The following FBLN7 variants were observed in gnomAD, a reference collection of about 807,000 sequenced individuals.
FBLN7 encodes fibulin-7.
Under a neutral mutation model 44.0 loss-of-function variants are expected in FBLN7, and 31 were observed. The observed-to-expected ratio is 0.70, with a 90% CI of 0.53 to 0.95. The LOEUF (loss-of-function observed/expected upper bound fraction) is 0.95. FBLN7 is among the 40% of genes least tolerant of loss of function. The pLI is 0.00. For missense variants in FBLN7, 573 were observed against 618.5 expected (o/e 0.93, Z 0.78); for synonymous variants, 262 against 253.4 (o/e 1.03, Z -0.32).
chr2:112,167,899 T>TGTTATGTTAC (rs1682252346), intron 3 of FBLN7, among the ~76,000 whole-genome samples: 2 of 151,844 alleles, frequency 1.3e-5, no homozygotes, highest in Admixed American at 1.3e-4. Context: ...TGTTATGTTA[T>TGTTATGTTAC]GTTATGTTAT....
chr2:112,143,048 A>G (rs1467176005), intron 1 of FBLN7, among the ~76,000 whole-genome samples: 1 of 151,930 alleles, frequency 6.6e-6, no homozygotes, highest in Non-Finnish European at 1.5e-5. Flanking sequence ...GCGGGGATGG[A>G]GTCTCATCTC....
At chr2:112,215,489 A>G in the FBLN7 span, 1 of 152,226 alleles carries the variant, frequency 6.6e-6, no homozygotes, top group Non-Finnish European at 1.5e-5. Context: ...GATAACAATG[A>G]AAATAACTTT....
At chr2:112,139,041 C>T (rs1462565658) in intron 1 of FBLN7, among the ~76,000 whole-genome samples, 5 of 74,984 alleles carry the variant, frequency 6.7e-5, no homozygotes, top group Admixed American at 2.2e-4. Context: ...TCTCTCCAGG[C>T]CAGCGTCCCT....
rs185876830 is a variant in FBLN7 at position 112,144,253 on chromosome 2, A to G, written c.75+5523A>G. Among the ~76,000 whole-genome samples, 409 of 152,336 alleles carry G rather than the reference A, an allele frequency of 2.7e-3. 6 individuals carry two copies. The highest frequency in any genetic ancestry group is 3.5e-3 in the Non-Finnish European group (238 of 68,032). ...GATGCATCCGATTTTTCCCAAATAG[A>G]CGATTTTAATGATTCAGACAATTCT... On this transcript the variant is annotated intron_variant, in intron 1 of 7. Transcript: ENST00000331203.
chr2:112,184,889 C>T (rs575756824), intron 6 of FBLN7, among the ~76,000 whole-genome samples: 1 of 151,060 alleles, frequency 6.6e-6, no homozygotes, highest in East Asian at 1.9e-4. Context: ...GGTAATGGGG[C>T]ACTTGGGCTG....
chr2:112,184,700 A>C (rs958171262), intron 6 of FBLN7, among the ~76,000 whole-genome samples: 10 of 145,542 alleles, frequency 6.9e-5, no homozygotes, highest in East Asian at 6.0e-4. Flanking sequence ...TATGGTATAT[A>C]TATGAATATG....
the FBLN7 span, among the ~76,000 whole-genome samples, chr2:112,229,898 C>T: frequency 6.9e-6 from 1 of 145,292 alleles, no homozygotes; most frequent in East Asian, 2.0e-4. Context: ...TAGGCATAAA[C>T]AAAAAGATTC....
chr2:112,186,835 T>G (rs75068214), intron 7 of FBLN7, among the ~76,000 whole-genome samples: 2 of 152,286 alleles, frequency 1.3e-5, no homozygotes, highest in African/African-American at 4.8e-5. Context: ...CCAGGCTATA[T>G]TTTTCTGTAA....
chr2:112,168,081 T>C (rs1482330938), intron 3 of FBLN7, among the ~76,000 whole-genome samples: 3 of 152,146 alleles, frequency 2.0e-5, no homozygotes, highest in Admixed American at 2.0e-4. Flanking sequence ...CTGCCAGGCG[T>C]CCAGCAAGCC....
chr2:112,173,820 C>T (rs553790448), intron 3 of FBLN7, among the ~76,000 whole-genome samples: 1 of 152,356 alleles, frequency 6.6e-6, no homozygotes, highest in South Asian at 2.1e-4. Flanking sequence ...GGCTGGACAT[C>T]AGGCCATTGG....
At chr2:112,185,428 C>T in intron 7 of FBLN7, 89 bp downstream of exon 7, 1 of 1,494,062 alleles carries the variant, frequency 6.7e-7, no homozygotes, top group Admixed American at 2.0e-5. Flanking sequence ...GGAGAAGGTA[C>T]AGTTATACCA....
intron 2 of FBLN7, among the ~76,000 whole-genome samples, chr2:112,160,185 T>C (rs1182980399): frequency 6.6e-6 from 1 of 151,970 alleles, no homozygotes; most frequent in South Asian, 2.1e-4. Flanking sequence ...AGAGACGGGG[T>C]TTCACCTTGT....
At chr2:112,210,394 GC>G in the FBLN7 span, among the ~76,000 whole-genome samples, 2 of 151,978 alleles carry the variant, frequency 1.3e-5, no homozygotes, top group Non-Finnish European at 2.9e-5. Context: ...GGTGCCTCAC[GC>G]CTGTAACCCC....
At position 112,187,311 on chromosome 2, in the gene FBLN7, C is replaced by A; in HGVS notation, c.1125C>A (p.Ile375=). The A allele has an allele frequency of 6.2e-7, 1 of 1,614,110 alleles. No homozygotes were observed. Among genetic ancestry groups the A allele is most frequent in the African/African-American group, 1.3e-5 (1 of 75,044 alleles). Reference sequence around the variant, plus strand: ...GGCCCAACAGCCTGCGGTTTGGGATCGTGGGTGGGAACAGCCGCGGCCACT... The same window carrying A: ...GGCCCAACAGCCTGCGGTTTGGGATAGTGGGTGGGAACAGCCGCGGCCACT... ...RAGPNSLRFG[I]VGGNSRGHFV... Residue 375 remains isoleucine, a synonymous_variant, in exon 8 of 8, where the codon ATC becomes ATA. Transcript: ENST00000331203. This position sits in a 1 kb window ranked among gnomAD's most constrained non-coding sequence, Gnocchi z 5.1.
At chr2:112,169,772 C>T (rs762944276) in intron 3 of FBLN7, among the ~76,000 whole-genome samples, 5 of 152,034 alleles carry the variant, frequency 3.3e-5, no homozygotes, top group South Asian at 2.1e-4. Flanking sequence ...AGCGAGCTGA[C>T]GTTTGTGGTG....
At chr2:112,161,337 C>T (rs945099762) in intron 2 of FBLN7, among the ~76,000 whole-genome samples, 3 of 152,142 alleles carry the variant, frequency 2.0e-5, no homozygotes, top group Non-Finnish European at 4.4e-5. Flanking sequence ...ATGATGGTGG[C>T]AAATCCAGCT....
intron 1 of FBLN7, among the ~76,000 whole-genome samples, chr2:112,144,962 T>C (rs966991547): frequency 9.9e-5 from 15 of 152,262 alleles, no homozygotes; most frequent in Admixed American, 1.3e-4. Flanking sequence ...TATGGGCAAA[T>C]ACCTGGGAGT....
intron 2 of FBLN7, among the ~76,000 whole-genome samples, chr2:112,162,380 G>A (rs543836729): frequency 6.6e-6 from 1 of 151,166 alleles, no homozygotes; most frequent in South Asian, 2.1e-4. Context: ...CAGTTCTGGA[G>A]AATTCTTGGT....
intron 1 of FBLN7, among the ~76,000 whole-genome samples, chr2:112,144,719 G>T (rs1680824889): frequency 6.6e-6 from 1 of 151,964 alleles, no homozygotes; most frequent in Non-Finnish European, 1.5e-5. Context: ...TAGAGACGGG[G>T]TTTCACCTTG....
Sources: allele counts gnomAD v4.1 joint callset (sites outside exome capture counted in the v4.1 genomes callset), GRCh38; gene constraint gnomAD v4.1.1; non-coding constraint Gnocchi (gnomAD v3.1); transcripts MANE v1.5; gene names NCBI Gene and HGNC (gene_info 2026-07-23, HGNC 2026-07-21).